The following TTC27 variants were observed in gnomAD, a reference collection of about 807,000 sequenced individuals.
TTC27 encodes tetratricopeptide repeat domain 27, also known as tetratricopeptide repeat protein 27.
TTC27 carries 79 observed loss-of-function variants against 115.9 expected under a neutral mutation model. That is an observed-to-expected ratio of 0.68 (90% CI 0.57 to 0.82). The LOEUF is 0.82. Ranked by LOEUF, TTC27 falls within the 40% of genes least tolerant of loss-of-function variation. The pLI is 0.00. For missense variants in TTC27, 1,054 were observed against 993.1 expected, an observed-to-expected ratio of 1.06 and a Z score of -0.82; for synonymous variants, 401 against 356.0, an observed-to-expected ratio of 1.13 and a Z score of -1.42.
chr2:32,805,839 T>C (rs2148041122), intron 16 of TTC27, among the ~76,000 whole-genome samples: 1 of 152,370 alleles, frequency 6.6e-6, no homozygotes. Flanking sequence ...TTCTGTAATG[T>C]AGTGGACAGA....
intron 12 of TTC27, among the ~76,000 whole-genome samples, chr2:32,746,132 C>T (rs1307208872): frequency 6.6e-6 from 1 of 152,146 alleles, no homozygotes; most frequent in East Asian, 1.9e-4. Flanking sequence ...TTGGGGTTTG[C>T]ATCTGAAAAG....
intron 9 of TTC27, among the ~76,000 whole-genome samples, chr2:32,699,952 G>C (rs970385675): frequency 6.6e-6 from 1 of 152,194 alleles, no homozygotes; most frequent in East Asian, 1.9e-4. Flanking sequence ...TCCCTTTGCT[G>C]TGCAAGCGTT....
chr2:32,750,974 A>G (rs1558324088), intron 12 of TTC27, among the ~76,000 whole-genome samples: 2 of 152,190 alleles, frequency 1.3e-5, no homozygotes, highest in Non-Finnish European at 2.9e-5. Context: ...TGCAGATTAA[A>G]TTATATCATA....
In TTC27 at chr2:32,762,270, G is replaced by C. The variant is rs1023711122; in HGVS notation, c.1680+3751G>C. Among the ~76,000 whole-genome samples, 3 of 147,906 alleles carry C rather than the reference G, an allele frequency of 2.0e-5. No homozygotes were observed. In the Admixed American group the frequency reaches 2.1e-4, roughly 10 times the overall value. On this transcript the variant is annotated intron_variant, in intron 13 of 19. Transcript: ENST00000317907. ...GTATGAGCAAAGCTCTAGAAACACA[G>C]AGAGAAGTGTGTGTGTGTGTGTGTG...
In TTC27 at chr2:32,633,869, T is replaced by C. The variant is rs550666149; in HGVS notation, c.267-7T>C. ...ATATTTATTTCTTTAACCATTCTTATATGCAGACAACAGTTGATATTTCTA... is the reference window on the plus strand; with the variant it reads ...ATATTTATTTCTTTAACCATTCTTACATGCAGACAACAGTTGATATTTCTA... On this transcript the variant is annotated splice_polypyrimidine_tract_variant and splice_region_variant and intron_variant, in intron 2 of 19. Transcript: ENST00000317907. 2.5e-5 allele frequency: 40 copies of C among 1,612,834 alleles called. No individual in the cohort carries two copies. The East Asian group carries it at 4.2e-4, about 17-fold the overall frequency.
intron 16 of TTC27, among the ~76,000 whole-genome samples, chr2:32,810,167 A>C (rs1031470604): frequency 6.6e-6 from 1 of 151,808 alleles, no homozygotes; most frequent in African/African-American, 2.4e-5. Context: ...AAGAGAAGAG[A>C]TACTTGCTAG....
intron 4 of TTC27, among the ~76,000 whole-genome samples, chr2:32,646,958 GTTT>G (rs1220552424): frequency 6.8e-6 from 1 of 147,278 alleles, no homozygotes; most frequent in Non-Finnish European, 1.5e-5. Context: ...CATATTATAT[GTTT>G]TTTTTTGTTT....
At chr2:32,653,931 A>T (rs1665227445) in intron 5 of TTC27, among the ~76,000 whole-genome samples, 2 of 152,192 alleles carry the variant, frequency 1.3e-5, no homozygotes, top group African/African-American at 4.8e-5. Flanking sequence ...CAAAGCTCAA[A>T]ACTTTGCTTC....
rs144352666 is a variant in TTC27, at chr2:32,678,919, A to G, written c.1116A>G (p.Thr372=). The part of the protein sequence containing the change: ...TLTEVELLAF[T]SCLLSQPKFW... ...CTGAAGTGGAGCTTCTGGCATTTAC[A>G]TCAGTGAGTAATGTCTTTTTCTCTT... The change falls in exon 9 of 20, where the codon ACA becomes ACG. Residue 372 remains threonine (T), a synonymous_variant. Transcript: ENST00000317907. The G allele has an allele frequency of 2.1e-4, 340 of 1,612,564 alleles. 1 individual carries two copies. The highest frequency in any genetic ancestry group is 2.4e-4 in the Non-Finnish European group (288 of 1,178,992).
At chr2:32,785,049 C>A (rs1670302444) in intron 15 of TTC27, among the ~76,000 whole-genome samples, 1 of 152,056 alleles carries the variant, frequency 6.6e-6, no homozygotes, top group Non-Finnish European at 1.5e-5. Context: ...ATGCTCTTAA[C>A]CTTTGTATAT....
Position 32,629,215 on chromosome 2 carries a change from C to T in TTC27, c.88+835C>T, listed in dbSNP as rs368322862. 1.4e-4 allele frequency among the ~76,000 whole-genome samples: 20 copies of T among 147,608 alleles called. No individual in the cohort carries two copies. In the South Asian group the frequency reaches 2.9e-3, roughly 21 times the overall value. On this transcript the variant is annotated intron_variant, in intron 1 of 19. Transcript: ENST00000317907. ...CGGCTCACTGCAACCTCCGCTTCCC[C>T]GGTTCAAGCGATTCTCCTGCTTCAG...
In TTC27 at chr2:32,706,144, A is replaced by G. The variant is rs538468561; in HGVS notation, c.1233+3224A>G. On this transcript the variant is annotated intron_variant, in intron 10 of 19. Transcript: ENST00000317907. ...GTCACCCAGACTGGAGTGCTATGAC[A>G]TGATCTCGGCTCACTGCAACCTCTG... Among the ~76,000 whole-genome samples, 162 of 131,368 alleles carry G rather than the reference A, an allele frequency of 1.2e-3. 1 individual carries two copies. In the South Asian group the frequency reaches 0.012, roughly 10 times the overall value. 86.2% of individuals were successfully genotyped at this position (131,368 alleles called of 152,430 possible). A position where few individuals can be genotyped will look rare whatever the true frequency, so the allele number is the denominator to read the frequency against.
rs374723958 is a variant in TTC27, at chr2:32,702,892, G to C, written c.1205G>C (p.Arg402Pro). The C allele has an allele frequency of 6.2e-7, 1 of 1,613,978 alleles. No individual in the cohort carries two copies. Residue 402 changes from arginine (R) to proline (P), a missense_variant, in exon 10 of 20, where the codon CGA becomes CCA. Transcript: ENST00000317907. ...RTKLEKGSTRRVERAMRQTQA... is the reference protein window; with the variant it reads ...RTKLEKGSTRPVERAMRQTQA... ...AAACTTGAGAAAGGAAGTACTCGCC[G>C]AGTGGAACGGGCAATGAGGCAGACA... is the stretch of plus-strand genomic sequence containing the variant.
chr2:32,664,413 A>G lies in TTC27; in HGVS notation c.751A>G (p.Lys251Glu), dbSNP rs1359509770. The G allele has an allele frequency of 1.2e-6, 2 of 1,612,432 alleles. No homozygotes were observed. The highest frequency in any genetic ancestry group is 2.2e-5 in the East Asian group (1 of 44,734). ...ATATTATTATGAGTACAGAAAAGCA[A>G]AAGATCAGTTGGATATTGCTAAGGA... ...FLYYYEYRKAKDQLDIAKDIS... is the reference protein window; with the variant it reads ...FLYYYEYRKAEDQLDIAKDIS... The change falls in exon 6 of 20, where the codon AAA becomes GAA. Residue 251 changes from lysine (K) to glutamate (E), a missense_variant. Lys to Glu is a moderately conservative substitution (Grantham distance 56). Coordinates refer to ENST00000317907, the MANE Select transcript of TTC27 (RefSeq NM_017735.5).
intron 13 of TTC27, among the ~76,000 whole-genome samples, chr2:32,769,196 A>G (rs1017618295): frequency 6.6e-6 from 1 of 152,234 alleles, no homozygotes; most frequent in Non-Finnish European, 1.5e-5. Context: ...CACCAGTGAA[A>G]CAGGACTCAA....
At chr2:32,644,328 G>T (rs1050529125) in intron 4 of TTC27, among the ~76,000 whole-genome samples, 8 of 151,354 alleles carry the variant, frequency 5.3e-5, no homozygotes, top group African/African-American at 1.9e-4. Flanking sequence ...TCCAGCCGAG[G>T]CGACAGAGTG....
chr2:32,815,603 T>C (rs1671477353), intron 18 of TTC27, among the ~76,000 whole-genome samples: 1 of 152,130 alleles, frequency 6.6e-6, no homozygotes, highest in Admixed American at 6.6e-5. Context: ...TGGGATTGAG[T>C]AGGAAAACTA....
intron 5 of TTC27, 48 bp from the exon 6 acceptor site, chr2:32,664,255 A>AT: frequency 6.6e-7 from 1 of 1,505,704 alleles, no homozygotes; most frequent in Non-Finnish European, 9.0e-7. Flanking sequence ...ACATTAATAT[A>AT]TTTTTCTTCT....
At chr2:32,677,041 T>C (rs1282063965) in intron 8 of TTC27, among the ~76,000 whole-genome samples, 1 of 152,116 alleles carries the variant, frequency 6.6e-6, no homozygotes, top group African/African-American at 2.4e-5. Context: ...TTTGTCATTT[T>C]CTTGCCTTTT....
Sources: gnomAD v4.1 joint callset for allele counts (sites outside exome capture counted in the v4.1 genomes callset) on GRCh38, gnomAD v4.1.1 for gene constraint, MANE v1.5 for transcripts, NCBI Gene and HGNC (gene_info 2026-07-23, HGNC 2026-07-21) for gene names.